Variants in INTS6 observed in about 807,000 individuals in gnomAD.
INTS6 encodes DEAD box protein.
INTS6 carries 16 observed loss-of-function variants against 104.9 expected under a neutral mutation model. The ratio of observed to expected loss-of-function variants is 0.15; its 90% CI spans 0.10 to 0.23. The LOEUF (loss-of-function observed/expected upper bound fraction) is 0.23, where lower values mean the gene tolerates loss of function less well. Among genes scored for constraint, INTS6 ranks in the 10% least tolerant of loss-of-function variants. The pLI, the probability that INTS6 is intolerant of heterozygous loss-of-function variation, is 1.00. For missense variants in INTS6, 584 were observed against 1,062.8 expected (o/e 0.55, Z 6.26); for synonymous variants, 324 against 358.7 (o/e 0.90, Z 1.09).
intron 4 of INTS6, among the ~76,000 whole-genome samples, chr13:51,407,534 T>A (rs1024472831): frequency 6.6e-6 from 1 of 151,900 alleles, no homozygotes; most frequent in African/African-American, 2.4e-5. Flanking sequence ...AGAAACAGAC[T>A]CATAAAAGCA....
At position 51,415,571 on chromosome 13, in the gene INTS6, T is replaced by C. The variant is rs567630228; in HGVS notation, c.429+14723A>G. Among the ~76,000 whole-genome samples the C allele has an allele frequency of 2.6e-5, 4 of 152,274 alleles. No homozygotes were observed. The South Asian group carries it at 8.3e-4, about 32-fold the overall frequency. ...CTCTCTCTTTGCCTGCTGCCACCCATGTAAGACATGACTTGCTCCTCCTTG... is the reference window on the plus strand; with the variant it reads ...CTCTCTCTTTGCCTGCTGCCACCCACGTAAGACATGACTTGCTCCTCCTTG... On this transcript the variant is annotated intron_variant, in intron 4 of 17. Coordinates refer to ENST00000311234, the MANE Select transcript of INTS6 (RefSeq NM_012141.3).
chr13:51,376,279 G>A, intron 12 of INTS6, 105 bp from the exon 13 acceptor site: 1 of 809,410 alleles, frequency 1.2e-6, no homozygotes, highest in Non-Finnish European at 1.8e-6. Context: ...TATATAAACT[G>A]GTTAGCTTAA....
rs1254475912 is a variant in INTS6 at position 51,361,866 on chromosome 13, A to G, written c.*3886T>C. On this transcript the variant is annotated 3_prime_UTR_variant, in exon 18 of 18. Transcript: ENST00000311234. The stretch of plus-strand genomic sequence containing the variant: ...TATTTTTAAAGCAGATCGGCCATTC[A>G]TCTATTTCCTGAGAGAACCTAACAC... The G allele has an allele frequency of 1.9e-6, 3 of 1,611,712 alleles. No homozygotes were observed. Among genetic ancestry groups the G allele is most frequent in the Non-Finnish European group, 1.7e-6 (2 of 1,178,692 alleles).
At chr13:51,395,518 CCA>C (rs1956318709) in intron 4 of INTS6, 35 bp from the exon 5 acceptor site, 1 of 1,563,010 alleles carries the variant, frequency 6.4e-7, no homozygotes, top group Non-Finnish European at 8.7e-7. Flanking sequence ...AATAAGAATT[CCA>C]CAGACTATTT....
downstream of INTS6, among the ~76,000 whole-genome samples, chr13:51,351,831 G>T (rs971581258): frequency 6.6e-6 from 1 of 151,848 alleles, no homozygotes; most frequent in African/African-American, 2.4e-5. Context: ...TATGAGGTAG[G>T]GATTCAACTT....
At chr13:51,352,244 GAA>G (rs1955410959), downstream of INTS6, among the ~76,000 whole-genome samples, 1 of 152,064 alleles carries the variant, frequency 6.6e-6, no homozygotes, top group Non-Finnish European at 1.5e-5. Context: ...CATGAACTCA[GAA>G]TATCTTTCCT....
the INTS6 span, among the ~76,000 whole-genome samples, chr13:51,335,540 C>T: frequency 6.6e-6 from 1 of 152,142 alleles, no homozygotes; most frequent in African/African-American, 2.4e-5. Context: ...TGTAGATGTT[C>T]CAGAGCGTAG....
intron 4 of INTS6, among the ~76,000 whole-genome samples, chr13:51,406,813 CA>C: frequency 6.6e-6 from 1 of 152,218 alleles, no homozygotes; most frequent in East Asian, 1.9e-4. Flanking sequence ...CCGTGGTCCA[CA>C]GGCTGCATGT....
intron 4 of INTS6, among the ~76,000 whole-genome samples, chr13:51,418,454 C>A (rs752644424): frequency 2.0e-5 from 3 of 151,628 alleles, no homozygotes; most frequent in Non-Finnish European, 4.4e-5. Flanking sequence ...AGAAGGTTCT[C>A]CTCATATCAT....
intron 4 of INTS6, chr13:51,423,065 T>C (rs1027979249): frequency 4.7e-6 from 6 of 1,282,978 alleles, no homozygotes; most frequent in Non-Finnish European, 6.1e-6. Flanking sequence ...TAGCCTTGCT[T>C]AATTCCATCT....
intron 4 of INTS6, among the ~76,000 whole-genome samples, chr13:51,426,880 T>C (rs1956994119): frequency 6.6e-6 from 1 of 152,124 alleles, no homozygotes; most frequent in Non-Finnish European, 1.5e-5. Context: ...AGCACTGGTC[T>C]GGAGGTGCTG....
intron 4 of INTS6, among the ~76,000 whole-genome samples, chr13:51,402,193 G>A (rs7322726): frequency 0.67 from 101,639 of 152,064 alleles, 35,506 homozygotes; most frequent in African/African-American, 0.89. Flanking sequence ...AACACTTACT[G>A]TGTGCCAAGC....
At chr13:51,348,351 G>A in the INTS6 span, 1 of 1,613,804 alleles carries the variant, frequency 6.2e-7, no homozygotes, top group Admixed American at 1.7e-5. Flanking sequence ...CTCACAGCCA[G>A]CACCATCCAC....
At chr13:51,361,350 C>T, downstream of INTS6, 1 of 1,605,302 alleles carries the variant, frequency 6.2e-7, no homozygotes, top group South Asian at 1.1e-5. Flanking sequence ...GGCACCAAGG[C>T]ATCTGGAGCC....
At chr13:51,371,456 C>T (rs918901193) in intron 15 of INTS6, among the ~76,000 whole-genome samples, 6 of 151,962 alleles carry the variant, frequency 3.9e-5, no homozygotes, top group African/African-American at 1.2e-4. Flanking sequence ...GGCTTATATC[C>T]CTGTAAGTAA....
chr13:51,344,445 C>A, the INTS6 span: 8 of 1,604,216 alleles, frequency 5.0e-6, no homozygotes, highest in South Asian at 2.2e-5. Context: ...CCAATAGCAC[C>A]GCCATCCAGA....
chr13:51,406,418 C>G, intron 4 of INTS6, among the ~76,000 whole-genome samples: 1 of 98,270 alleles, frequency 1.0e-5, no homozygotes, highest in East Asian at 3.2e-4. Context: ...CATCATTTAT[C>G]GAATAATGGA....
At chr13:51,367,768 T>C in intron 17 of INTS6, 37 bp downstream of exon 17, 1 of 1,200,496 alleles carries the variant, frequency 8.3e-7, no homozygotes, top group Non-Finnish European at 1.2e-6. Context: ...GTGGACTCAT[T>C]TCATCACCAT....
chr13:51,444,336 C>T (rs2138153660), intron 3 of INTS6: 1 of 145,550 alleles, frequency 6.9e-6, no homozygotes, highest in Non-Finnish European at 1.5e-5. Flanking sequence ...AACTCCTGAC[C>T]TCAAGTGATC....
Sources: allele counts gnomAD v4.1 joint callset (sites outside exome capture counted in the v4.1 genomes callset), GRCh38; gene constraint gnomAD v4.1.1; transcripts MANE v1.5; gene names NCBI Gene and HGNC (gene_info 2026-07-23, HGNC 2026-07-21).